PIPOX: variants seen among roughly 807,000 people sequenced by gnomAD.
PIPOX encodes the protein pipecolic acid and sarcosine oxidase, also known as peroxisomal sarcosine oxidase.
Under a neutral mutation model 47.9 loss-of-function variants are expected in PIPOX, and 45 were observed. That is an observed-to-expected ratio of 0.94 (90% CI 0.74 to 1.20). PIPOX has a LOEUF of 1.20. Among genes scored for constraint, PIPOX ranks in the 50% most tolerant of loss-of-function variants. The pLI, the probability that PIPOX is intolerant of heterozygous loss-of-function variation, is 0.00. For synonymous variants in PIPOX, 165 were observed against 191.3 expected (o/e 0.86, Z 1.13); for missense variants, 458 against 498.4 (o/e 0.92, Z 0.77).
At chr17:29,049,312 T>C (rs1283994903) in intron 2 of PIPOX, among the ~76,000 whole-genome samples, 1 of 152,154 alleles carries the variant, frequency 6.6e-6, no homozygotes, top group African/African-American at 2.4e-5. Context: ...GACCATTCAT[T>C]TCCCGGTCAT....
At chr17:29,052,888 C>T in intron 2 of PIPOX, 32 bp from the exon 3 acceptor site, 1 of 1,593,188 alleles carries the variant, frequency 6.3e-7, no homozygotes. Context: ...TTTTGAAACA[C>T]ACCTTCACCT....
At position 29,044,938 on chromosome 17, in the gene PIPOX, C is replaced by A. The variant is rs563681209; in HGVS notation, c.194C>A (p.Thr65Asn). Reference sequence around the variant, plus strand: ...AAGGCGTACCTGGAAGACTTTTACACCCGGATGATGCATGAGTGCTATCAG... The same window carrying A: ...AAGGCGTACCTGGAAGACTTTTACAACCGGATGATGCATGAGTGCTATCAG... Reference protein sequence around the residue: ...IRKAYLEDFYTRMMHECYQIW... With the variant: ...IRKAYLEDFYNRMMHECYQIW... The change falls in exon 2 of 8, where the codon ACC (threonine) becomes AAC (asparagine). Residue 65 changes from threonine to asparagine, a missense_variant. By Grantham distance (65) the Thr-to-Asn change is moderately conservative (BLOSUM62 0). Coordinates refer to ENST00000323372, the MANE Select transcript of PIPOX (RefSeq NM_016518.3). 1 of 1,614,152 alleles carries A rather than the reference C, an allele frequency of 6.2e-7. No individual in the cohort carries two copies. Among genetic ancestry groups the A allele is most frequent in the Non-Finnish European group, 8.5e-7 (1 of 1,180,018 alleles).
intron 3 of PIPOX, 128 bp downstream of exon 3, chr17:29,053,261 CA>C (rs1689780878): frequency 8.3e-7 from 1 of 1,205,544 alleles, no homozygotes; most frequent in Non-Finnish European, 1.2e-6. Flanking sequence ...TTGACTTTTC[CA>C]GCAGGGCAGT....
rs200391097 is a variant in PIPOX at position 29,043,246 on chromosome 17, C to G, written c.21C>G (p.Leu7=). The G allele has an allele frequency of 2.6e-4, 415 of 1,613,458 alleles. 4 individuals are homozygous for G. The South Asian group carries it at 4.0e-3, about 16-fold the overall frequency. MAAQKD[L]WDAIVIGAGI... ...GCATCATGGCGGCTCAGAAAGATCT[C>G]TGGGACGCCATTGTGATTGGGGCGG... is the stretch of plus-strand genomic sequence containing the variant. Residue 7 remains leucine (L), a synonymous_variant, in exon 1 of 8, where the codon CTC becomes CTG. Transcript: ENST00000323372.
intron 2 of PIPOX, among the ~76,000 whole-genome samples, chr17:29,052,191 G>A (rs1039983415): frequency 6.6e-6 from 1 of 152,210 alleles, no homozygotes; most frequent in Admixed American, 6.5e-5. Context: ...AGCGGGGAGG[G>A]CAGGGGAGAA....
rs112560129 is a variant in PIPOX, at chr17:29,046,038, C to G, written c.263+1031C>G. ...AACTTCCTACAAACCCTGGCTCTAC[C>G]TGATAGGGTGGTGGTTATTTTAATG... On this transcript the variant is annotated intron_variant, in intron 2 of 7. Transcript: ENST00000323372. 2.5e-3 allele frequency among the ~76,000 whole-genome samples: 387 copies of G among 152,302 alleles called. 1 individual carries two copies. The highest frequency in any genetic ancestry group is 4.7e-3 in the Non-Finnish European group (317 of 68,032).
chr17:29,048,133 T>C (rs2065792342), intron 2 of PIPOX, among the ~76,000 whole-genome samples: 1 of 152,356 alleles, frequency 6.6e-6, no homozygotes, highest in Admixed American at 6.5e-5. Flanking sequence ...GAGCAGATAC[T>C]TCCCATTCTC....
rs77910620 is a variant in PIPOX, at chr17:29,056,633, T to G, written c.*328T>G. 2.5e-3 allele frequency: 842 copies of G among 341,206 alleles called. 12 individuals carry two copies. Among genetic ancestry groups the G allele is most frequent in the African/African-American group, 0.017 (795 of 47,682 alleles). The allele number at this position is 341,206 out of a possible 1,614,324, so 21.1% of individuals were successfully genotyped here. ...AGCAAGGACGTTTGAGATGGGTATATCAGTAAGAAGAGGGCACAAGAACTG... is the reference window on the plus strand; with the variant it reads ...AGCAAGGACGTTTGAGATGGGTATAGCAGTAAGAAGAGGGCACAAGAACTG... On this transcript the variant is annotated 3_prime_UTR_variant, in exon 8 of 8. Transcript: ENST00000323372.
chr17:29,051,678 A>G (rs974975739), intron 2 of PIPOX, among the ~76,000 whole-genome samples: 1 of 152,162 alleles, frequency 6.6e-6, no homozygotes, highest in Non-Finnish European at 1.5e-5. Context: ...TCACTCCCTT[A>G]GGGAGTAAAA....
In PIPOX at chr17:29,055,012, G is replaced by A. The variant is rs367702867; in HGVS notation, c.808-51G>A. 81 of 1,608,990 alleles carry A rather than the reference G, an allele frequency of 5.0e-5. 1 individual carries two copies. Among genetic ancestry groups the A allele is most frequent in the Admixed American group, 4.0e-4 (24 of 60,002 alleles). Reference sequence around the variant, plus strand: ...ACACGCCTGCCCTTCGGCTGTGGGTGTGTGTGGAAGGCCAGCCCTCACCAC... The same window carrying A: ...ACACGCCTGCCCTTCGGCTGTGGGTATGTGTGGAAGGCCAGCCCTCACCAC... On this transcript the variant is annotated intron_variant, in intron 5 of 7. Transcript: ENST00000323372.
Position 29,053,086 on chromosome 17 carries a change from A to G in PIPOX, c.430A>G (p.Asn144Asp). The G allele has an allele frequency of 6.2e-7, 1 of 1,614,232 alleles. No individual in the cohort carries two copies. Among genetic ancestry groups the G allele is most frequent in the East Asian group, 2.2e-5 (1 of 44,882 alleles). Residue 144 changes from asparagine to aspartate, a missense_variant, in exon 3 of 8, where the codon AAT (asparagine) becomes GAT (aspartate). Asn to Asp is a conservative substitution (Grantham distance 23, BLOSUM62 1). Transcript: ENST00000323372. Reference sequence around the variant, plus strand: ...CAGGGGAGAAGTGGGGCTCTTGGACAATTCCGGAGGAGTTATCTATGCATA... The same window carrying G: ...CAGGGGAGAAGTGGGGCTCTTGGACGATTCCGGAGGAGTTATCTATGCATA... ...LPRGEVGLLD[N>D]SGGVIYAYKA...
chr17:29,047,301 AAAAAAAG>A (rs2065789233), intron 2 of PIPOX, among the ~76,000 whole-genome samples: 3 of 152,162 alleles, frequency 2.0e-5, no homozygotes, highest in Admixed American at 2.0e-4. Flanking sequence ...TCTCAAAGAA[AAAAAAAG>A]AAAAGAAAAG....
At chr17:29,051,254 G>A (rs1045636637) in intron 2 of PIPOX, among the ~76,000 whole-genome samples, 10 of 152,198 alleles carry the variant, frequency 6.6e-5, no homozygotes, top group African/African-American at 1.9e-4. Context: ...GTTGAGCTTC[G>A]AAGAGGCAGA....
chr17:29,046,144 C>T (rs2065784809), intron 2 of PIPOX, among the ~76,000 whole-genome samples: 1 of 152,196 alleles, frequency 6.6e-6, no homozygotes, highest in Non-Finnish European at 1.5e-5. Context: ...TGCAAATCAG[C>T]CAGGGCAGCT....
At chr17:29,055,982 A>G (rs192788726) in intron 7 of PIPOX, 94 bp downstream of exon 7, 29 of 1,337,234 alleles carry the variant, frequency 2.2e-5, no homozygotes, top group East Asian at 1.4e-4. Flanking sequence ...CTGCCCAGAT[A>G]GGTGTGAAGC....
intron 2 of PIPOX, among the ~76,000 whole-genome samples, chr17:29,051,598 C>T (rs1286701926): frequency 3.3e-5 from 5 of 152,196 alleles, no homozygotes; most frequent in Admixed American, 6.5e-5. Flanking sequence ...TGTTTCTATC[C>T]GTTTCCCCCC....
intron 2 of PIPOX, 48 bp downstream of exon 2, chr17:29,045,055 G>C (rs993181341): frequency 5.9e-6 from 9 of 1,536,258 alleles, no homozygotes; most frequent in Middle Eastern, 1.9e-4. Context: ...TGCACCTGCA[G>C]GTACTTTTAG....
intron 2 of PIPOX, among the ~76,000 whole-genome samples, chr17:29,050,751 C>T (rs2065802744): frequency 6.6e-6 from 1 of 151,604 alleles, no homozygotes; most frequent in African/African-American, 2.4e-5. Flanking sequence ...GCAGGAGGAG[C>T]TCGCTTGCGG....
chr17:29,047,320 A>G (rs998196210), intron 2 of PIPOX, among the ~76,000 whole-genome samples: 3 of 152,192 alleles, frequency 2.0e-5, no homozygotes, highest in Admixed American at 6.5e-5. Context: ...AAAGAAAAGA[A>G]AAGAAAAAAC....
Sources: allele counts gnomAD v4.1 joint callset (sites outside exome capture counted in the v4.1 genomes callset), GRCh38; gene constraint gnomAD v4.1.1; transcripts MANE v1.5; gene names NCBI Gene and HGNC (gene_info 2026-07-23, HGNC 2026-07-21).